Variants in ZNF729 observed in about 807,000 individuals in gnomAD.
ZNF729 encodes zinc finger protein 729.
A neutral mutation model predicts 12.2 loss-of-function variants in ZNF729; 15 were observed. That is an observed-to-expected ratio of 1.23 (90% CI 0.82 to 1.89). The LOEUF (loss-of-function observed/expected upper bound fraction) is 1.89, where lower values mean the gene tolerates loss of function less well. Among genes scored for constraint, ZNF729 ranks in the 40% most tolerant of loss-of-function variants. ZNF729 has a pLI of 0.00. For synonymous variants in ZNF729, 492 were observed against 476.3 expected (o/e 1.03, Z -0.43); for missense variants, 1,540 against 1,456.7 (o/e 1.06, Z -0.93).
At chr19:22,297,426 A>T (rs953681522) in intron 1 of ZNF729, among the ~76,000 whole-genome samples, 1 of 151,996 alleles carries the variant, frequency 6.6e-6, no homozygotes, top group African/African-American at 2.4e-5. Flanking sequence ...TGTAGGAGAA[A>T]ATACAAATTA....
rs1219353314 is a variant in ZNF729, at chr19:22,303,846, A to T, written c.119A>T (p.Asp40Val). Reference sequence around the variant, plus strand: ...ACGGTTCAGCAGAATTTATATAGGGATGTGATGTTAGAGAACTACAGAAAC... The same window carrying T: ...ACGGTTCAGCAGAATTTATATAGGGTTGTGATGTTAGAGAACTACAGAAAC... ...LDTVQQNLYR[D>V]VMLENYRNLV... The change falls in exon 2 of 4, where the codon GAT becomes GTT. Residue 40 changes from aspartate to valine, a missense_variant. By Grantham distance (152) the Asp-to-Val change is radical. Transcript: ENST00000601693. 6.4e-7 allele frequency: 1 copy of T among 1,573,644 alleles called. No homozygotes were observed. The highest frequency in any genetic ancestry group is 8.7e-7 in the Non-Finnish European group (1 of 1,154,954).
chr19:22,302,290 A>G (rs1157117310), intron 1 of ZNF729, among the ~76,000 whole-genome samples: 4 of 152,426 alleles, frequency 2.6e-5, no homozygotes, highest in African/African-American at 7.2e-5. Flanking sequence ...CATGGTCCCT[A>G]CCACCCAGGA....
Position 22,314,632 on chromosome 19 carries a change from A to G in ZNF729, c.1215A>G (p.Lys405=), listed in dbSNP as rs1217035201. The G allele has an allele frequency of 1.2e-5, 19 of 1,612,386 alleles. No homozygotes were observed. Among genetic ancestry groups the G allele is most frequent in the Non-Finnish European group, 1.6e-5 (19 of 1,179,856 alleles). Residue 405 remains lysine, a synonymous_variant, in exon 4 of 4, where the codon AAA becomes AAG. Coordinates refer to ENST00000601693, the MANE Select transcript of ZNF729 (RefSeq NM_001242680.2). The part of the protein sequence containing the change: ...KVVHTGEKPY[K]CEECGKAFSQ... ...TTCATACTGGAGAGAAACCCTACAA[A>G]TGTGAAGAATGTGGCAAAGCTTTTA...
At chr19:22,308,450 T>C (rs1337356495) in intron 3 of ZNF729, among the ~76,000 whole-genome samples, 3 of 152,190 alleles carry the variant, frequency 2.0e-5, no homozygotes, top group Non-Finnish European at 4.4e-5. Flanking sequence ...CTCCACACTG[T>C]TCTCCATAGA....
chr19:22,287,848 CTTT>C (rs542002326), intron 1 of ZNF729, among the ~76,000 whole-genome samples: 3 of 138,238 alleles, frequency 2.2e-5, no homozygotes, highest in Non-Finnish European at 3.1e-5. Flanking sequence ...ACTATTTGTC[CTTT>C]TTTTTTTTTT....
chr19:22,305,819 G>T (rs1230668890), intron 3 of ZNF729, among the ~76,000 whole-genome samples: 2 of 151,962 alleles, frequency 1.3e-5, no homozygotes, highest in African/African-American at 2.4e-5. Flanking sequence ...ATTAATTAAT[G>T]AAATAGGGTC....
intron 3 of ZNF729, among the ~76,000 whole-genome samples, chr19:22,309,228 C>T (rs11668921): frequency 0.34 from 50,841 of 151,704 alleles, 10,135 homozygotes; most frequent in South Asian, 0.54. Flanking sequence ...AGGTGGATCA[C>T]GAGGTCAGGA....
chr19:22,315,665 A>T lies in ZNF729; in HGVS notation c.2248A>T (p.Lys750Ter). Residue 750 changes from lysine to a stop codon, truncating the protein, a stop_gained, in exon 4 of 4, where the codon AAG becomes TAG. Coordinates refer to ENST00000601693, the MANE Select transcript of ZNF729 (RefSeq NM_001242680.2). LOFTEE classifies it low-confidence loss of function (END_TRUNC). ...CKCEECGKSF[K>*]HFSALRKHKV... Reference sequence around the variant, plus strand: ...ATGTGAAGAATGTGGCAAATCTTTTAAGCATTTCTCAGCCCTTAGAAAACA... The same window carrying T: ...ATGTGAAGAATGTGGCAAATCTTTTTAGCATTTCTCAGCCCTTAGAAAACA... 6.2e-7 allele frequency: 1 copy of T among 1,608,330 alleles called. No homozygotes were observed. Among genetic ancestry groups the T allele is most frequent in the Non-Finnish European group, 8.5e-7 (1 of 1,179,154 alleles).
At chr19:22,309,032 T>C (rs1176581586) in intron 3 of ZNF729, among the ~76,000 whole-genome samples, 3 of 152,248 alleles carry the variant, frequency 2.0e-5, no homozygotes, top group African/African-American at 7.2e-5. Flanking sequence ...ATTTTTATAG[T>C]TTCAGGTCTT....
At chr19:22,309,013 T>C (rs1968418556) in intron 3 of ZNF729, among the ~76,000 whole-genome samples, 1 of 152,250 alleles carries the variant, frequency 6.6e-6, no homozygotes, top group Non-Finnish European at 1.5e-5. Context: ...TCCAATGTTA[T>C]CATCTAGAAT....
chr19:22,290,278 T>C (rs575974592), intron 1 of ZNF729, among the ~76,000 whole-genome samples: 1 of 152,334 alleles, frequency 6.6e-6, no homozygotes, highest in South Asian at 2.1e-4. Context: ...CACAGCCAGA[T>C]GCAGTTAAGG....
chr19:22,316,539 T>G lies in ZNF729; in HGVS notation c.3122T>G (p.Ile1041Ser). The G allele has an allele frequency of 6.2e-7, 1 of 1,613,708 alleles. No individual in the cohort carries two copies. Among genetic ancestry groups the G allele is most frequent in the Non-Finnish European group, 8.5e-7 (1 of 1,179,782 alleles). The change falls in exon 4 of 4, where the codon ATT becomes AGT. Residue 1041 changes from isoleucine to serine, a missense_variant. Ile to Ser is a moderately radical substitution (Grantham distance 142, BLOSUM62 -2). Coordinates refer to ENST00000601693, the MANE Select transcript of ZNF729 (RefSeq NM_001242680.2). Reference sequence around the variant, plus strand: ...TCAGCCCTTATGAAACATAAGATAATTCATACTGGGGAGAAACCCTACAAA... The same window carrying G: ...TCAGCCCTTATGAAACATAAGATAAGTCATACTGGGGAGAAACCCTACAAA... ...NFSALMKHKI[I>S]HTGEKPYKCE...
chr19:22,290,304 A>AT lies in ZNF729; in HGVS notation c.30+3751dup, dbSNP rs1206665586. On this transcript the variant is annotated intron_variant, in intron 1 of 3. Coordinates refer to ENST00000601693, the MANE Select transcript of ZNF729 (RefSeq NM_001242680.2). ...GCAGTTAAGGTTAAGATGAAAGGGG[A>AT]TTGGGAGGGTCTTACTGAAGATGAA... Among the ~76,000 whole-genome samples the AT allele has an allele frequency of 4.6e-5, 7 of 152,184 alleles. 1 individual carries two copies. The highest frequency in any genetic ancestry group is 6.3e-3 in the Middle Eastern group (2 of 316).
chr19:22,313,579 A>C lies in ZNF729; in HGVS notation c.254-92A>C. The C allele has an allele frequency of 2.5e-6, 3 of 1,176,820 alleles. No homozygotes were observed. In the South Asian group the frequency reaches 6.6e-5, roughly 26 times the overall value. 72.9% of individuals were successfully genotyped at this position (1,176,820 alleles called of 1,614,324 possible). ...CTGTCTTATTTTGCTGTGCCATCTT[A>C]TGTGGTTTGCATAATTTTATAGGTT... is the stretch of plus-strand genomic sequence containing the variant. On this transcript the variant is annotated intron_variant, in intron 3 of 3. Coordinates refer to ENST00000601693, the MANE Select transcript of ZNF729 (RefSeq NM_001242680.2).
rs780920042 is a variant in ZNF729 at position 22,303,764 on chromosome 19, T to C, written c.37T>C (p.Leu13=). ...CTTTCGTTGTGTTTTTCAGGGACCATTGACATTTAGAGATGTGACCATAGA... is the reference window on the plus strand; with the variant it reads ...CTTTCGTTGTGTTTTTCAGGGACCACTGACATTTAGAGATGTGACCATAGA... ...GAPGSLEMGP[L]TFRDVTIEFS... is the part of the protein sequence containing the mutation. Residue 13 remains leucine, a synonymous_variant, in exon 2 of 4, where the codon TTG becomes CTG. Coordinates refer to ENST00000601693, the MANE Select transcript of ZNF729 (RefSeq NM_001242680.2). 9 of 1,559,460 alleles carry C rather than the reference T, an allele frequency of 5.8e-6. No individual in the cohort carries two copies. In the African/African-American group the frequency reaches 6.8e-5, roughly 12 times the overall value.
chr19:22,286,809 C>T (rs772249771), intron 1 of ZNF729, among the ~76,000 whole-genome samples: 1 of 152,210 alleles, frequency 6.6e-6, no homozygotes, highest in African/African-American at 2.4e-5. Flanking sequence ...CGCTCTGCAC[C>T]CGCATGGCCG....
In ZNF729 at chr19:22,316,571, G is replaced by T; in HGVS notation, c.3154G>T (p.Glu1052Ter). The part of the protein sequence containing the change: ...HTGEKPYKCE[E>*]CGKAFKWSSK... The stretch of plus-strand genomic sequence containing the variant: ...TGGGGAGAAACCCTACAAATGTGAA[G>T]AATGTGGTAAAGCTTTTAAGTGGTC... Residue 1052 changes from glutamate (E) to a stop codon, truncating the protein, a stop_gained, in exon 4 of 4, where the codon GAA becomes TAA. Coordinates refer to ENST00000601693, the MANE Select transcript of ZNF729 (RefSeq NM_001242680.2). LOFTEE classifies it low-confidence loss of function (END_TRUNC). The T allele has an allele frequency of 6.2e-7, 1 of 1,613,492 alleles. No homozygotes were observed. Among genetic ancestry groups the T allele is most frequent in the Non-Finnish European group, 8.5e-7 (1 of 1,179,762 alleles).
intron 1 of ZNF729, among the ~76,000 whole-genome samples, chr19:22,296,692 T>G (rs1424294126): frequency 6.6e-6 from 1 of 152,204 alleles, no homozygotes; most frequent in East Asian, 1.9e-4. Flanking sequence ...CTTTTATTTA[T>G]GATGTTAGGT....
chr19:22,300,055 G>T (rs1968284765), intron 1 of ZNF729, among the ~76,000 whole-genome samples: 1 of 152,220 alleles, frequency 6.6e-6, no homozygotes, highest in Non-Finnish European at 1.5e-5. Context: ...GCTTTAAAGT[G>T]TAAATAGCCA....
Sources: gnomAD v4.1 joint callset for allele counts (sites outside exome capture counted in the v4.1 genomes callset) on GRCh38, gnomAD v4.1.1 for gene constraint, MANE v1.5 for transcripts, NCBI Gene and HGNC (gene_info 2026-07-23, HGNC 2026-07-21) for gene names.